The following VIPAS39 variants were observed in gnomAD, a reference collection of about 807,000 sequenced individuals.
The protein encoded by VIPAS39 is spermatogenesis-defective protein 39 homolog.
Under a neutral mutation model 84.7 loss-of-function variants are expected in VIPAS39, and 63 were observed. That is an observed-to-expected ratio of 0.74 (90% CI 0.61 to 0.92). The LOEUF is 0.92. Among genes scored for constraint, VIPAS39 ranks in the 40% least tolerant of loss-of-function variants. The pLI, the probability that VIPAS39 is intolerant of heterozygous loss-of-function variation, is 0.00. For missense variants in VIPAS39, 499 were observed against 604.5 expected (o/e 0.83, Z 1.83); for synonymous variants, 192 against 216.5 (o/e 0.89, Z 0.99).
chr14:77,430,444 C>T (rs1215291677), intron 16 of VIPAS39, among the ~76,000 whole-genome samples: 2 of 152,116 alleles, frequency 1.3e-5, no homozygotes, highest in East Asian at 1.9e-4. Context: ...AGGCCAGGTG[C>T]GGTGGCTCAT....
rs372694838 is a variant in VIPAS39, at chr14:77,441,061, C to A, written c.762+5G>T. ...GTACCCAACTGAAACAAAGGCCACA[C>A]TTACCGCAAGCTCTTCTGTTCTATC... On this transcript the variant is annotated splice_donor_5th_base_variant and intron_variant, in intron 11 of 19. Transcript: ENST00000557658. 6 of 1,610,324 alleles carry A rather than the reference C, an allele frequency of 3.7e-6. No individual in the cohort carries two copies. The highest frequency in any genetic ancestry group is 5.1e-6 in the Non-Finnish European group (6 of 1,179,572).
intron 3 of VIPAS39, among the ~76,000 whole-genome samples, chr14:77,452,972 A>AC (rs1416868357): frequency 3.3e-5 from 5 of 151,840 alleles, no homozygotes; most frequent in African/African-American, 4.8e-5. Context: ...AAAATTTGAG[A>AC]CCCCCTCTAC....
chr14:77,442,047 A>G (rs1378066037), intron 10 of VIPAS39, among the ~76,000 whole-genome samples: 3 of 152,130 alleles, frequency 2.0e-5, no homozygotes, highest in Non-Finnish European at 4.4e-5. Flanking sequence ...GGGTATCCTG[A>G]CTGAAAATAT....
chr14:77,437,049 C>T (rs58252185), intron 12 of VIPAS39, among the ~76,000 whole-genome samples: 1 of 152,128 alleles, frequency 6.6e-6, no homozygotes, highest in Non-Finnish European at 1.5e-5. Context: ...TATAACATAT[C>T]TCAGTATTTG....
In VIPAS39 at chr14:77,449,877, G is replaced by A. The variant is rs112017861; in HGVS notation, c.344-125C>T. 0.025 allele frequency: 29,405 copies of A among 1,155,360 alleles called. 475 individuals carry two copies. The highest frequency in any genetic ancestry group is 0.03 in the Non-Finnish European group (23,192 of 781,850). 71.6% of individuals were successfully genotyped at this position (1,155,360 alleles called of 1,614,324 possible). ...TATAGGAACTTAAGGCTTAAAAAAG[G>A]TTTTATTCATCTGTAGAAATCTGAA... On this transcript the variant is annotated intron_variant, in intron 4 of 19. Coordinates refer to ENST00000557658, the MANE Select transcript of VIPAS39 (RefSeq NM_001193315.2).
rs1310014994 is a variant in VIPAS39, at chr14:77,457,543, C to T, written c.-49G>A. On this transcript the variant is annotated 5_prime_UTR_variant, in exon 1 of 20. Transcript: ENST00000557658. ...CTCAGGACAGCGCCAGCCTCCGCCG[C>T]CGCTGGACCAGCCCTTCTATTCAGG... 1.2e-5 allele frequency: 8 copies of T among 693,396 alleles called. No individual in the cohort carries two copies. The highest frequency in any genetic ancestry group is 2.7e-5 in the East Asian group (1 of 36,602). The allele number at this position is 693,396 out of a possible 1,614,324, so 43.0% of individuals were successfully genotyped here. A position where few individuals can be genotyped will look rare whatever the true frequency, so the allele number is the denominator to read the frequency against.
At position 77,428,396 on chromosome 14, in the gene VIPAS39, T is replaced by C; in HGVS notation, c.1435A>G (p.Lys479Glu). 1 of 1,613,878 alleles carries C rather than the reference T, an allele frequency of 6.2e-7. No individual in the cohort carries two copies. Among genetic ancestry groups the C allele is most frequent in the Non-Finnish European group, 8.5e-7 (1 of 1,179,894 alleles). The change falls in exon 19 of 20, where the codon AAG (lysine) becomes GAG (glutamate). Residue 479 changes from lysine (K) to glutamate (E), a missense_variant. Coordinates refer to ENST00000557658, the MANE Select transcript of VIPAS39 (RefSeq NM_001193315.2). ...KVDKGSAEEE[K>E]IDALLSSSQI... ...GAGCTGCTGAGAAGAGCATCAATCTTCTCCTCCTCTGCTGATCCTTTATCT... is the reference window on the plus strand; with the variant it reads ...GAGCTGCTGAGAAGAGCATCAATCTCCTCCTCCTCTGCTGATCCTTTATCT...
chr14:77,439,525 A>T (rs1448111463), intron 11 of VIPAS39, among the ~76,000 whole-genome samples: 1 of 152,188 alleles, frequency 6.6e-6, no homozygotes, highest in African/African-American at 2.4e-5. Context: ...GGTGGTTCAC[A>T]TCTGTAATCC....
chr14:77,433,413 A>AT (rs1370567984), intron 16 of VIPAS39, among the ~76,000 whole-genome samples: 1 of 152,050 alleles, frequency 6.6e-6, no homozygotes, highest in African/African-American at 2.4e-5. Context: ...GTTGGCCAGG[A>AT]TGGTCTCAAA....
intron 18 of VIPAS39, 37 bp downstream of exon 18, chr14:77,428,969 G>A (rs763338940): frequency 6.4e-7 from 1 of 1,568,684 alleles, no homozygotes; most frequent in African/African-American, 1.4e-5. Context: ...TCGCCACTGA[G>A]GATCTAACGG....
intron 7 of VIPAS39, among the ~76,000 whole-genome samples, chr14:77,446,666 T>C (rs77511206): frequency 0.027 from 4,160 of 152,288 alleles, 191 homozygotes; most frequent in African/African-American, 0.095. Flanking sequence ...CATTGAAGGT[T>C]GAAAGCTTCA....
At chr14:77,441,024 T>C in intron 11 of VIPAS39, 42 bp downstream of exon 11, 1 of 1,610,668 alleles carries the variant, frequency 6.2e-7, no homozygotes, top group Non-Finnish European at 8.5e-7. Context: ...AGCCTAGATT[T>C]CTGTTAAACA....
chr14:77,440,213 T>G (rs1220223617), intron 11 of VIPAS39: 1 of 152,002 alleles, frequency 6.6e-6, no homozygotes, highest in Non-Finnish European at 1.5e-5. Flanking sequence ...AAGTTTTTTT[T>G]TTTTTTTTTT....
chr14:77,439,134 T>C (rs1470607374), intron 11 of VIPAS39, among the ~76,000 whole-genome samples: 2 of 152,212 alleles, frequency 1.3e-5, no homozygotes, highest in Non-Finnish European at 2.9e-5. Flanking sequence ...AAGTGTACTA[T>C]CAGCTTTGCC....
At chr14:77,451,538 G>T (rs1012524520) in intron 3 of VIPAS39, among the ~76,000 whole-genome samples, 1 of 152,140 alleles carries the variant, frequency 6.6e-6, no homozygotes, top group Admixed American at 6.5e-5. Flanking sequence ...AAATTCAAAT[G>T]GCTCTTCAAC....
Position 77,451,343 on chromosome 14 carries a change from A to G in VIPAS39, c.197-10T>C. On this transcript the variant is annotated splice_polypyrimidine_tract_variant and intron_variant, in intron 3 of 19. Transcript: ENST00000557658. ...ATGGACCATGAGATACCTGTGAGAT[A>G]GTAAGAACTACATCAGCAATTCTCA... 3 of 1,614,184 alleles carry G rather than the reference A, an allele frequency of 1.9e-6. No individual in the cohort carries two copies. Among genetic ancestry groups the G allele is most frequent in the Non-Finnish European group, 2.5e-6 (3 of 1,179,996 alleles).
intron 1 of VIPAS39, among the ~76,000 whole-genome samples, chr14:77,454,954 G>A (rs1220630141): frequency 1.3e-5 from 2 of 152,170 alleles, no homozygotes; most frequent in East Asian, 3.8e-4. Context: ...CCACCCTCAT[G>A]TATGCTTTTT....
At chr14:77,442,398 T>C (rs923319831) in intron 10 of VIPAS39, among the ~76,000 whole-genome samples, 162 bp downstream of exon 10, 27 of 152,224 alleles carry the variant, frequency 1.8e-4, no homozygotes, top group Admixed American at 1.6e-3. Context: ...CACCTTATCA[T>C]AAGCTATGCT....
At chr14:77,451,393 A>G (rs757651695) in intron 3 of VIPAS39, 60 bp from the exon 4 acceptor site, 75 of 1,612,918 alleles carry the variant, frequency 4.6e-5, no homozygotes, top group African/African-American at 6.7e-5. Context: ...TTGACATCCA[A>G]CATTCAATAA....
Sources: gnomAD v4.1 joint callset for allele counts (sites outside exome capture counted in the v4.1 genomes callset) on GRCh38, gnomAD v4.1.1 for gene constraint, MANE v1.5 for transcripts, NCBI Gene and HGNC (gene_info 2026-07-23, HGNC 2026-07-21) for gene names.